Variants in SIPA1L2 observed in about 807,000 individuals in gnomAD.
The protein encoded by SIPA1L2 is signal-induced proliferation-associated 1-like protein 2.
In SIPA1L2, 56 loss-of-function variants were observed where a neutral mutation model predicts 163.9. That is an observed-to-expected ratio of 0.34 (90% CI 0.28 to 0.43). SIPA1L2 has a LOEUF of 0.43. Ranked by LOEUF, SIPA1L2 falls within the 20% of genes least tolerant of loss-of-function variation. The pLI, the probability that SIPA1L2 is intolerant of heterozygous loss-of-function variation, is 1.00. For missense variants in SIPA1L2, 1,974 were observed against 2,193.5 expected, an observed-to-expected ratio of 0.90 and a Z score of 2.00; for synonymous variants, 877 against 865.7, an observed-to-expected ratio of 1.01 and a Z score of -0.23.
intron 2 of SIPA1L2, among the ~76,000 whole-genome samples, chr1:232,521,901 T>C (rs35186494): frequency 0.17 from 26,336 of 151,978 alleles, 2,467 homozygotes; most frequent in Middle Eastern, 0.31. Flanking sequence ...TATCCACAAG[T>C]CCAAAGATGT....
chr1:232,525,275 G>C (rs1286016335), intron 2 of SIPA1L2, among the ~76,000 whole-genome samples: 2 of 122,142 alleles, frequency 1.6e-5, no homozygotes, highest in Non-Finnish European at 3.2e-5. Context: ...TTGCTCTGTC[G>C]CCCAGGCTGG....
At chr1:232,413,586 A>G (rs1333095354) in intron 19 of SIPA1L2, among the ~76,000 whole-genome samples, 1 of 152,226 alleles carries the variant, frequency 6.6e-6, no homozygotes, top group Non-Finnish European at 1.5e-5. Flanking sequence ...CTGTGCTATG[A>G]GCTGGGATAG....
At chr1:232,574,336 T>C (rs745412615) in intron 1 of SIPA1L2, among the ~76,000 whole-genome samples, 114 bp from the exon 2 acceptor site, 18 of 152,202 alleles carry the variant, frequency 1.2e-4, no homozygotes, top group Non-Finnish European at 2.1e-4. Context: ...CATTTTCATG[T>C]TGATACCAAG....
intron 1 of SIPA1L2, among the ~76,000 whole-genome samples, chr1:232,608,736 C>T (rs779599388): frequency 1.3e-5 from 2 of 152,140 alleles, no homozygotes; most frequent in Non-Finnish European, 2.9e-5. Flanking sequence ...CTGATAAGCA[C>T]TCCAACTAAG....
chr1:232,514,098 A>G lies in SIPA1L2; in HGVS notation c.1242T>C (p.Asn414=), dbSNP rs772079390. ...DLVLSCPYFR[N]ETGGEGDRRI... ...GCCTGTCGCCTTCCCCTCCAGTCTC[A>G]TTTCTAAAGTAAGGACAACTAAGGA... Residue 414 remains asparagine (N), a synonymous_variant, in exon 3 of 23, where the codon AAT becomes AAC. Transcript: ENST00000674635. 1.9e-6 allele frequency: 3 copies of G among 1,614,152 alleles called. No individual in the cohort carries two copies. In the Admixed American group the frequency reaches 5.0e-5, roughly 27 times the overall value.
In SIPA1L2 at chr1:232,433,824, C is replaced by T. The variant is rs545449677; in HGVS notation, c.4032-1353G>A. ...GGCTTCACTTTCAGCAAACTTGACA[C>T]GTGAGTGCAATGCGAGGATTCCGGG... On this transcript the variant is annotated intron_variant, in intron 15 of 22. Coordinates refer to ENST00000674635, the MANE Select transcript of SIPA1L2 (RefSeq NM_020808.5). 2.0e-5 allele frequency among the ~76,000 whole-genome samples: 3 copies of T among 152,188 alleles called. No homozygotes were observed. In the South Asian group the frequency reaches 6.2e-4, roughly 32 times the overall value.
intron 2 of SIPA1L2, among the ~76,000 whole-genome samples, chr1:232,533,886 T>G (rs1657133627): frequency 6.6e-6 from 1 of 152,200 alleles, no homozygotes; most frequent in Non-Finnish European, 1.5e-5. Flanking sequence ...ACAGGGAATA[T>G]ATATTAAAAA....
chr1:232,452,865 G>A (rs1369841782), intron 10 of SIPA1L2, among the ~76,000 whole-genome samples: 2 of 151,992 alleles, frequency 1.3e-5, no homozygotes, highest in African/African-American at 2.4e-5. Flanking sequence ...AACAGCAGAG[G>A]GTGCATCAAG....
intron 8 of SIPA1L2, among the ~76,000 whole-genome samples, chr1:232,469,300 A>G (rs1348986946): frequency 6.6e-6 from 1 of 152,212 alleles, no homozygotes; most frequent in African/African-American, 2.4e-5. Context: ...GAGCTGGACT[A>G]TACCATTTCC....
At chr1:232,435,729 G>A (rs1174987181) in intron 15 of SIPA1L2, among the ~76,000 whole-genome samples, 2 of 151,936 alleles carry the variant, frequency 1.3e-5, no homozygotes, top group South Asian at 2.1e-4. Context: ...CCCTGCCCTC[G>A]AAGAAAGAAA....
chr1:232,571,228 A>C (rs1659707247), intron 2 of SIPA1L2, among the ~76,000 whole-genome samples: 1 of 152,254 alleles, frequency 6.6e-6, no homozygotes, highest in Non-Finnish European at 1.5e-5. Context: ...TTAATTTTTT[A>C]GAACATAAAC....
intron 10 of SIPA1L2, among the ~76,000 whole-genome samples, chr1:232,456,407 T>C (rs1350755625): frequency 6.6e-6 from 1 of 152,140 alleles, no homozygotes; most frequent in East Asian, 1.9e-4. Flanking sequence ...AGAATAATAA[T>C]TTAGACTCAT....
chr1:232,464,855 A>T lies in SIPA1L2; in HGVS notation c.2805T>A (p.Ile935=). The T allele has an allele frequency of 6.2e-7, 1 of 1,602,042 alleles. No individual in the cohort carries two copies. The highest frequency in any genetic ancestry group is 8.5e-7 in the Non-Finnish European group (1 of 1,174,316). Residue 935 remains isoleucine (I), a synonymous_variant, in exon 9 of 23, where the codon ATT becomes ATA. Transcript: ENST00000674635. ...ATGTACTTACTACTAATCGCTGAAC[A>T]ATTTCCCTGATGTCTTCAGCACAGT... The part of the protein sequence containing the change: ...VDNCAEDIRE[I]VQRLVIVTRG...
At chr1:232,582,503 C>T (rs1660434493) in intron 1 of SIPA1L2, among the ~76,000 whole-genome samples, 1 of 152,216 alleles carries the variant, frequency 6.6e-6, no homozygotes, top group Non-Finnish European at 1.5e-5. Context: ...CTTTTCATGA[C>T]TACACAGTAT....
At chr1:232,520,408 T>C (rs1299573440) in intron 2 of SIPA1L2, among the ~76,000 whole-genome samples, 1 of 152,244 alleles carries the variant, frequency 6.6e-6, no homozygotes, top group East Asian at 1.9e-4. Context: ...TCATGCTAAC[T>C]GTCTTGGTAA....
intron 6 of SIPA1L2, among the ~76,000 whole-genome samples, chr1:232,483,329 G>T (rs1210750038): frequency 6.6e-6 from 1 of 151,336 alleles, no homozygotes; most frequent in Non-Finnish European, 1.5e-5. Context: ...AGATGCATTC[G>T]CTTTTTAATC....
intron 9 of SIPA1L2, among the ~76,000 whole-genome samples, chr1:232,461,565 G>A (rs771471675): frequency 1.3e-5 from 2 of 152,052 alleles, no homozygotes; most frequent in Admixed American, 6.5e-5. Context: ...AAATCCCATC[G>A]TTCTAGATGG....
At chr1:232,558,772 C>T (rs1658869181) in intron 2 of SIPA1L2, among the ~76,000 whole-genome samples, 1 of 152,134 alleles carries the variant, frequency 6.6e-6, no homozygotes, top group African/African-American at 2.4e-5. Flanking sequence ...TAAATTTCTA[C>T]ACCATGTGCA....
At chr1:232,558,888 C>T (rs1658878187) in intron 2 of SIPA1L2, among the ~76,000 whole-genome samples, 2 of 152,208 alleles carry the variant, frequency 1.3e-5, no homozygotes, top group Non-Finnish European at 2.9e-5. Flanking sequence ...GATCCTCTCA[C>T]CTCTCAGGGT....
Sources: gnomAD v4.1 joint callset for allele counts (sites outside exome capture counted in the v4.1 genomes callset) on GRCh38, gnomAD v4.1.1 for gene constraint, MANE v1.5 for transcripts, NCBI Gene and HGNC (gene_info 2026-07-23, HGNC 2026-07-21) for gene names.